Variants in RUNX1 observed in about 807,000 individuals in gnomAD.
RUNX1 encodes the protein RUNX family transcription factor 1, also known as runt-related transcription factor 1.
Under a neutral mutation model 42.8 loss-of-function variants are expected in RUNX1, and 19 were observed. The observed-to-expected ratio is 0.44, with a 90% confidence interval of 0.31 to 0.65. RUNX1 has a LOEUF of 0.65. RUNX1 is among the 30% of genes least tolerant of loss of function. The pLI is 0.07. For missense variants in RUNX1, 528 were observed against 672.0 expected (o/e 0.79, Z 2.37); for synonymous variants, 271 against 289.4 (o/e 0.94, Z 0.64).
chr21:34,938,147 C>G (rs1447870419), intron 2 of RUNX1, among the ~76,000 whole-genome samples: 1 of 152,090 alleles, frequency 6.6e-6, no homozygotes, highest in African/African-American at 2.4e-5. Flanking sequence ...CTCAAAGTTA[C>G]CATGAAGTGA....
chr21:34,852,189 CAAAACA>C (rs1408556964), intron 6 of RUNX1, among the ~76,000 whole-genome samples: 2 of 151,836 alleles, frequency 1.3e-5, no homozygotes, highest in Non-Finnish European at 2.9e-5. Flanking sequence ...CAAAACAAAA[CAAAACA>C]AAACAACAAC....
In RUNX1 at chr21:34,852,225, T is replaced by A. The variant is rs550340959; in HGVS notation, c.613+7249A>T. On this transcript the variant is annotated intron_variant, in intron 6 of 8. Transcript: ENST00000675419. ...AACAACCACACACAAAAAACCTCAG[T>A]GGTTTCTGTATAAGACAGGAAAAGT... is the stretch of plus-strand genomic sequence containing the variant. 2.0e-5 allele frequency among the ~76,000 whole-genome samples: 3 copies of A among 152,028 alleles called. No homozygotes were observed. The East Asian group carries it at 5.8e-4, about 29-fold the overall frequency.
chr21:34,857,832 C>T (rs1051832318), intron 6 of RUNX1, among the ~76,000 whole-genome samples: 4 of 152,160 alleles, frequency 2.6e-5, no homozygotes, highest in East Asian at 3.9e-4. Context: ...CTCTGGAAAC[C>T]TAAGAAGAGC....
At chr21:34,871,688 T>TGCAAGCCCATCCTGTGGGCG (rs2057739682) in intron 5 of RUNX1, among the ~76,000 whole-genome samples, 1 of 152,190 alleles carries the variant, frequency 6.6e-6, no homozygotes, top group Non-Finnish European at 1.5e-5. Flanking sequence ...GGGTGGCATC[T>TGCAAGCCCATCCTGTGGGCG]GCAAGCCCAT....
At chr21:35,023,909 TTATTA>T (rs1388108384) in intron 2 of RUNX1, among the ~76,000 whole-genome samples, 1 of 150,712 alleles carries the variant, frequency 6.6e-6, no homozygotes, top group Non-Finnish European at 1.5e-5. Flanking sequence ...GAAATATATT[TTATTA>T]TATATGTGTG....
chr21:34,900,579 G>C (rs1311757850), intron 2 of RUNX1, among the ~76,000 whole-genome samples: 1 of 152,194 alleles, frequency 6.6e-6, no homozygotes, highest in East Asian at 1.9e-4. Flanking sequence ...AGCAATAACT[G>C]AGTTGCAAAG....
chr21:34,823,546 C>A (rs578153290), intron 7 of RUNX1, among the ~76,000 whole-genome samples: 1 of 150,110 alleles, frequency 6.7e-6, no homozygotes, highest in African/African-American at 2.5e-5. Flanking sequence ...CAGGTTCAAG[C>A]GATTCTCCTG....
At chr21:34,856,418 T>A (rs752561892) in intron 6 of RUNX1, 1 of 518,958 alleles carries the variant, frequency 1.9e-6, no homozygotes. Flanking sequence ...TCATTTTAAA[T>A]GTGAGGATAC....
chr21:34,887,259 G>GGGGGGGGGGGGGGT, intron 3 of RUNX1, 163 bp from the exon 4 acceptor site: 1 of 1,316,208 alleles, frequency 7.6e-7, no homozygotes, highest in South Asian at 1.6e-5. Context: ...GGGCGGGGGT[G>GGGGGGGGGGGGGGT]GTTAGGGGAG....
chr21:34,985,995 C>T (rs1040593986), intron 2 of RUNX1, among the ~76,000 whole-genome samples: 4 of 151,576 alleles, frequency 2.6e-5, no homozygotes, highest in African/African-American at 9.7e-5. Flanking sequence ...GTCTCAGCCT[C>T]CAAAGTAGCT....
chr21:35,038,308 T>C, intron 2 of RUNX1: 1 of 321,204 alleles, frequency 3.1e-6, no homozygotes, highest in Admixed American at 4.2e-5. Flanking sequence ...CCTCCTGGCC[T>C]CCCTATCAAA....
intron 2 of RUNX1, among the ~76,000 whole-genome samples, chr21:34,977,459 A>G (rs1208343822): frequency 6.6e-6 from 1 of 152,238 alleles, no homozygotes; most frequent in Middle Eastern, 3.2e-3. Context: ...TGACAATCTT[A>G]TACAATTTTT....
chr21:34,797,474 G>A (rs1302919287), intron 8 of RUNX1, among the ~76,000 whole-genome samples: 1 of 152,216 alleles, frequency 6.6e-6, no homozygotes, highest in Non-Finnish European at 1.5e-5. Context: ...CTTGGGTGAT[G>A]ACCAAGTCAA....
intron 2 of RUNX1, among the ~76,000 whole-genome samples, chr21:35,040,216 G>C (rs570476455): frequency 6.6e-6 from 1 of 152,330 alleles, no homozygotes; most frequent in African/African-American, 2.4e-5. Context: ...GAGGGGCTCA[G>C]TGCACAGAGT....
At chr21:34,838,107 G>A (rs1039144896) in intron 6 of RUNX1, among the ~76,000 whole-genome samples, 2 of 152,128 alleles carry the variant, frequency 1.3e-5, no homozygotes, top group East Asian at 3.8e-4. Flanking sequence ...ATGATATTTT[G>A]TGACGGATAG....
At chr21:35,041,472 A>T (rs1414028532) in intron 2 of RUNX1, among the ~76,000 whole-genome samples, 1 of 152,090 alleles carries the variant, frequency 6.6e-6, no homozygotes. Context: ...TCCATCAAAA[A>T]ATGGACACAT....
At chr21:34,957,278 A>T (rs2058651455) in intron 2 of RUNX1, among the ~76,000 whole-genome samples, 1 of 151,784 alleles carries the variant, frequency 6.6e-6, no homozygotes, top group Admixed American at 6.6e-5. Flanking sequence ...AAACCTCACT[A>T]CTCCCTGGAA....
chr21:34,834,154 C>T lies in RUNX1; in HGVS notation c.805+256G>A, dbSNP rs1337301088. 5 of 690,636 alleles carry T rather than the reference C, an allele frequency of 7.2e-6. 1 individual carries two copies. The highest frequency in any genetic ancestry group is 1.3e-5 in the Non-Finnish European group (5 of 377,366). 42.8% of individuals were successfully genotyped at this position (690,636 alleles called of 1,614,324 possible). ...ATGGATATCCATACCCAGAGCTCCT[C>T]GTATCCTCTGTAGCAGTGCTTTTCC... On this transcript the variant is annotated intron_variant, in intron 7 of 8. Transcript: ENST00000675419.
rs540776933 is a variant in RUNX1 at position 35,017,247 on chromosome 21, T to C, written c.58+31595A>G. Among the ~76,000 whole-genome samples, 3 of 152,214 alleles carry C rather than the reference T, an allele frequency of 2.0e-5. No homozygotes were observed. The East Asian group carries it at 5.8e-4, about 29-fold the overall frequency. On this transcript the variant is annotated intron_variant, in intron 2 of 8. Transcript: ENST00000675419. Reference sequence around the variant, plus strand: ...AGATCAGAGACTTCAATATGCAAAGTCTTGGGGTATGCTGACAGATCAGCA... The same window carrying C: ...AGATCAGAGACTTCAATATGCAAAGCCTTGGGGTATGCTGACAGATCAGCA...
Sources: gnomAD v4.1 joint callset for allele counts (sites outside exome capture counted in the v4.1 genomes callset) on GRCh38, gnomAD v4.1.1 for gene constraint, MANE v1.5 for transcripts, NCBI Gene and HGNC (gene_info 2026-07-23, HGNC 2026-07-21) for gene names.